PPOX: variants seen among roughly 807,000 people sequenced by gnomAD.
PPOX encodes variegate porphyria.
Under a neutral mutation model 54.1 loss-of-function variants are expected in PPOX, and 23 were observed. The ratio of observed to expected loss-of-function variants is 0.43; its 90% CI spans 0.31 to 0.60. PPOX has a LOEUF of 0.60. Ranked by LOEUF, PPOX falls within the 20% of genes least tolerant of loss-of-function variation. The pLI is 0.13. For missense variants in PPOX, 512 were observed against 601.1 expected, an observed-to-expected ratio of 0.85 and a Z score of 1.55; for synonymous variants, 224 against 236.1, an observed-to-expected ratio of 0.95 and a Z score of 0.47.
chr1:161,173,545 G>A (rs1201310954), downstream of PPOX: 13 of 1,610,372 alleles, frequency 8.1e-6, no homozygotes, highest in Non-Finnish European at 1.1e-5. Context: ...GTCAAAGGTG[G>A]TCTTAGAGGA....
rs748796541 is a variant in PPOX at position 161,171,050 on chromosome 1, C to A, written c.1308C>A (p.Phe436Leu). The change falls in exon 13 of 13, where the codon TTC becomes TTA. Residue 436 changes from phenylalanine (F) to leucine (L), a missense_variant. Transcript: ENST00000367999. ...TCCTTCCAGAGTCAGCTAGGCAATTCCTGACTGCTCACAGGTTGCCCCTGA... is the reference window on the plus strand; with the variant it reads ...TCCTTCCAGAGTCAGCTAGGCAATTACTGACTGCTCACAGGTTGCCCCTGA... ...HWQKLESARQFLTAHRLPLTL... is the reference protein window; with the variant it reads ...HWQKLESARQLLTAHRLPLTL... 6.2e-7 allele frequency: 1 copy of A among 1,614,054 alleles called. No individual in the cohort carries two copies. Among genetic ancestry groups the A allele is most frequent in the Non-Finnish European group, 8.5e-7 (1 of 1,180,040 alleles).
intron 5 of PPOX, 98 bp from the exon 6 acceptor site, chr1:161,168,334 A>T: frequency 6.9e-6 from 11 of 1,593,214 alleles, no homozygotes; most frequent in Non-Finnish European, 8.6e-6. Context: ...CCCCCAACCC[A>T]AACCCTATCC....
At chr1:161,165,865 C>A (rs1310911102), upstream of PPOX, 2 of 171,690 alleles carry the variant, frequency 1.2e-5, no homozygotes, top group South Asian at 2.7e-4. Context: ...GGTGCTGGAC[C>A]CGGACCTGTG....
At chr1:161,177,515 CT>C (rs1328809290), downstream of PPOX, 4 of 170,780 alleles carry the variant, frequency 2.3e-5, no homozygotes, top group Admixed American at 5.8e-5. Flanking sequence ...GGGGCGGGGT[CT>C]CGCGTCATGG....
chr1:161,170,360 CCT>C, intron 9 of PPOX, 47 bp from the exon 10 acceptor site: 1 of 873,780 alleles, frequency 1.1e-6, no homozygotes, highest in Middle Eastern at 3.1e-4. Flanking sequence ...GGAGAGACAG[CCT>C]CAGCTAGAGC....
chr1:161,170,955 T>C lies in PPOX; in HGVS notation c.1291+6T>C, dbSNP rs748060297. 14 of 1,613,918 alleles carry C rather than the reference T, an allele frequency of 8.7e-6. No individual in the cohort carries two copies. The highest frequency in any genetic ancestry group is 4.5e-5 in the East Asian group (2 of 44,890). ...AGGTCACTGGCAAAAACTAGGTAAG[T>C]TGGGAAAACAGCTGGGCTGAGGAGG... On this transcript the variant is annotated splice_donor_region_variant and intron_variant, in intron 12 of 12. Coordinates refer to ENST00000367999, the MANE Select transcript of PPOX (RefSeq NM_001122764.3).
downstream of PPOX, among the ~76,000 whole-genome samples, chr1:161,174,384 G>A (rs1662674448): frequency 6.6e-6 from 1 of 151,090 alleles, no homozygotes; most frequent in African/African-American, 2.4e-5. Context: ...CTCCAGCCTG[G>A]GGGACAGAGT....
At chr1:161,171,634 G>A (rs1390525425), downstream of PPOX, 2 of 768,422 alleles carry the variant, frequency 2.6e-6, no homozygotes, top group South Asian at 1.8e-5. Context: ...CTAGAGAGAG[G>A]GACCCCTCAG....
upstream of PPOX, chr1:161,166,007 C>T: frequency 1.2e-6 from 1 of 811,164 alleles, no homozygotes; most frequent in Non-Finnish European, 1.5e-6. Context: ...ACACTGGGTA[C>T]GTTGCCGGGC....
At chr1:161,165,877 C>T (rs1027835001), upstream of PPOX, among the ~76,000 whole-genome samples, 6 of 152,152 alleles carry the variant, frequency 3.9e-5, no homozygotes, top group East Asian at 1.2e-3. Flanking sequence ...GGACCTGTGT[C>T]CCCCAGCAGT....
rs752654455 is a variant in PPOX at position 161,167,995 on chromosome 1, G to A, written c.339G>A (p.Arg113=). The A allele has an allele frequency of 2.5e-6, 4 of 1,614,036 alleles. No individual in the cohort carries two copies. The East Asian group carries it at 8.9e-5, about 36-fold the overall frequency. The change falls in exon 5 of 13, where the codon AGG becomes AGA. Residue 113 remains arginine, a splice_region_variant and synonymous_variant. Coordinates refer to ENST00000367999, the MANE Select transcript of PPOX (RefSeq NM_001122764.3). ...CCTCACTATGCCTTTCTCCATGCAG[G>A]GGGCTACTCCGCCCTTCACCCCCCT... ...GALHALPTGL[R]GLLRPSPPFS...
downstream of PPOX, chr1:161,174,133 C>T (rs768959699): frequency 5.6e-5 from 82 of 1,455,008 alleles, no homozygotes; most frequent in African/African-American, 7.0e-5. Flanking sequence ...GAAGGCCGGG[C>T]GCGGTGGCTT....
downstream of PPOX, chr1:161,177,099 G>A: frequency 6.5e-7 from 1 of 1,528,172 alleles, no homozygotes; most frequent in Non-Finnish European, 8.8e-7. Flanking sequence ...TGGGGAGGAG[G>A]GTTACTGCTG....
At position 161,170,038 on chromosome 1, in the gene PPOX, A is replaced by G. The variant is rs758734524; in HGVS notation, c.987+14A>G. ...CTGCCTGTCCAGGTATGATAAAGGG[A>G]CGGAGAGGCTGGGCATGGTGGCTCA... On this transcript the variant is annotated intron_variant, in intron 9 of 12. Coordinates refer to ENST00000367999, the MANE Select transcript of PPOX (RefSeq NM_001122764.3). The G allele has an allele frequency of 6.2e-7, 1 of 1,608,910 alleles. No individual in the cohort carries two copies. Among genetic ancestry groups the G allele is most frequent in the Non-Finnish European group, 8.5e-7 (1 of 1,177,994 alleles).
downstream of PPOX, chr1:161,171,699 G>T: frequency 1.4e-6 from 2 of 1,424,380 alleles, no homozygotes; most frequent in Non-Finnish European, 1.9e-6. Flanking sequence ...CTACCCCCTA[G>T]CACGGCACCA....
At chr1:161,174,849 G>T, downstream of PPOX, 2 of 793,484 alleles carry the variant, frequency 2.5e-6, no homozygotes, top group East Asian at 2.7e-5. Context: ...AGTTGGAAGA[G>T]CAGTGCCGGG....
chr1:161,171,866 G>A, downstream of PPOX: 1 of 1,614,204 alleles, frequency 6.2e-7, no homozygotes, highest in Non-Finnish European at 8.5e-7. Flanking sequence ...AGAGGCCCAG[G>A]CCTGGCTGGG....
chr1:161,176,347 GT>G, intron 4 of PPOX: 1 of 526,754 alleles, frequency 1.9e-6, no homozygotes, highest in Non-Finnish European at 3.4e-6. Context: ...CCCCAAAAAT[GT>G]TTACATCATT....
At chr1:161,173,979 T>A, downstream of PPOX, 1 of 1,614,172 alleles carries the variant, frequency 6.2e-7, no homozygotes, top group Non-Finnish European at 8.5e-7. Context: ...GCAGTCCCAC[T>A]CTTCATCACG....
Sources: allele counts gnomAD v4.1 joint callset (sites outside exome capture counted in the v4.1 genomes callset), GRCh38; gene constraint gnomAD v4.1.1; transcripts MANE v1.5; gene names NCBI Gene and HGNC (gene_info 2026-07-23, HGNC 2026-07-21).